Variants in PDE4A observed in about 807,000 individuals in gnomAD.
PDE4A encodes phosphodiesterase 4A.
PDE4A carries 21 observed loss-of-function variants against 73.9 expected under a neutral mutation model. The observed-to-expected ratio is 0.28, with a 90% CI of 0.20 to 0.41. The LOEUF (loss-of-function observed/expected upper bound fraction) is 0.41. Among genes scored for constraint, PDE4A ranks in the 10% least tolerant of loss-of-function variants. The probability of loss-of-function intolerance (pLI) is 1.00; values close to 1 mark genes in which losing one functional copy is unlikely to be tolerated. For missense variants in PDE4A, 958 were observed against 1,211.4 expected (o/e 0.79, Z 3.10); for synonymous variants, 463 against 505.4 (o/e 0.92, Z 1.13).
At chr19:10,432,693 G>A in intron 1 of PDE4A, 2 of 941,306 alleles carry the variant, frequency 2.1e-6, no homozygotes, top group Non-Finnish European at 3.1e-6. Flanking sequence ...GGATCTGGCT[G>A]GGGCCCCACC....
At chr19:10,432,916 C>G (rs994746385) in intron 1 of PDE4A, among the ~76,000 whole-genome samples, 1 of 152,170 alleles carries the variant, frequency 6.6e-6, no homozygotes, top group Non-Finnish European at 1.5e-5. Context: ...GGCCTAGAAC[C>G]AGATCCCTAA....
At chr19:10,420,330 C>G, upstream of PDE4A, 2 of 961,624 alleles carry the variant, frequency 2.1e-6, no homozygotes, top group Non-Finnish European at 2.5e-6. This position sits in a 1 kb window ranked among gnomAD's most constrained non-coding sequence, Gnocchi z 6.0. Context: ...CAGACGAGTT[C>G]CAGCGCCCCC....
chr19:10,447,321 G>A (rs2043022255), intron 2 of PDE4A, among the ~76,000 whole-genome samples: 1 of 145,952 alleles, frequency 6.9e-6, no homozygotes, highest in Non-Finnish European at 1.5e-5. Flanking sequence ...CACCTCCCGG[G>A]TTCATGCCAT....
chr19:10,454,912 A>G lies in PDE4A; in HGVS notation c.867A>G (p.Thr289=), dbSNP rs1395987373. 2.5e-6 allele frequency: 4 copies of G among 1,613,870 alleles called. No individual in the cohort carries two copies. Among genetic ancestry groups the G allele is most frequent in the Non-Finnish European group, 3.4e-6 (4 of 1,179,958 alleles). ...SGNQVSEYIS[T]TFLDKQNEVE... is the part of the protein sequence containing the mutation. ...ACCAGGTCTCAGAGTACATTTCCAC[A>G]ACATTCCTGGGTGAGTGAGGGGAAG... is the stretch of plus-strand genomic sequence containing the variant. The change falls in exon 7 of 15, where the codon ACA becomes ACG. Residue 289 remains threonine (T), a synonymous_variant. Transcript: ENST00000380702.
In PDE4A at chr19:10,467,707, C is replaced by G; in HGVS notation, c.*86C>G. ...CACCTCCTCCTCTGCCTCAAAGACT[C>G]TTGTCCTCTTGTCCCTCCTGAGAAA... On this transcript the variant is annotated 3_prime_UTR_variant, in exon 15 of 15. Coordinates refer to ENST00000380702, the MANE Select transcript of PDE4A (RefSeq NM_001111307.2). 2.1e-6 allele frequency: 2 copies of G among 953,074 alleles called. No individual in the cohort carries two copies. Among genetic ancestry groups the G allele is most frequent in the Admixed American group, 2.6e-5 (1 of 38,568 alleles). The allele number at this position is 953,074 out of a possible 1,614,324, so 59.0% of individuals were successfully genotyped here.
chr19:10,459,164 G>T, intron 8 of PDE4A: 1 of 621,262 alleles, frequency 1.6e-6, no homozygotes, highest in Non-Finnish European at 2.7e-6. Flanking sequence ...ACGAGATCAA[G>T]TGCTTAGAGC....
Position 10,420,781 on chromosome 19 carries a change from TC to T in PDE4A, c.21del (p.Ser8ArgfsTer19). 1 of 1,574,380 alleles carries T rather than the reference TC, an allele frequency of 6.4e-7. No homozygotes were observed. MEPPTVPSERSLSLSL... is the reference protein window; with the variant it reads MEPPTXPSERSLSLSL... ...GCCGGCGCCATGGAACCCCCGACCG[TC>T]CCCTCGGAAAGGAGCCTGTCTCTGT... On this transcript the variant is annotated frameshift_variant, in exon 1 of 15. Coordinates refer to ENST00000380702, the MANE Select transcript of PDE4A (RefSeq NM_001111307.2). LOFTEE classifies it high-confidence loss of function. The surrounding 1 kb of genome is among the most constrained non-coding windows in gnomAD (Gnocchi z 6.0).
At chr19:10,445,606 A>G (rs149468828) in intron 1 of PDE4A, among the ~76,000 whole-genome samples, 16 of 151,914 alleles carry the variant, frequency 1.1e-4, no homozygotes, top group African/African-American at 3.9e-4. Context: ...CATCTCTACT[A>G]AAAATACAAA....
Position 10,461,865 on chromosome 19 carries a change from C to T in PDE4A, c.1621-12C>T. 6.2e-7 allele frequency: 1 copy of T among 1,611,504 alleles called. No individual in the cohort carries two copies. The highest frequency in any genetic ancestry group is 2.2e-5 in the East Asian group (1 of 44,864). On this transcript the variant is annotated splice_polypyrimidine_tract_variant and intron_variant, in intron 12 of 14. Coordinates refer to ENST00000380702, the MANE Select transcript of PDE4A (RefSeq NM_001111307.2). ...GGTGTCAGCGGCCCCAGTGACGCCC[C>T]CTTGCCCGCAGGTGCTGGCCACGGA...
At chr19:10,454,598 C>T (rs1387486569) in intron 6 of PDE4A, 1 of 214,288 alleles carries the variant, frequency 4.7e-6, no homozygotes, top group South Asian at 1.7e-4. Context: ...TTTCCTCAGG[C>T]AGGGAGGGTT....
rs746532397 is a variant in PDE4A at position 10,420,895 on chromosome 19, A to C, written c.131A>C (p.Gln44Pro). 6.3e-7 allele frequency: 1 copy of C among 1,588,650 alleles called. No individual in the cohort carries two copies. Among genetic ancestry groups the C allele is most frequent in the African/African-American group, 1.4e-5 (1 of 73,754 alleles). Residue 44 changes from glutamine to proline, a missense_variant, in exon 1 of 15, where the codon CAG becomes CCG. Coordinates refer to ENST00000380702, the MANE Select transcript of PDE4A (RefSeq NM_001111307.2). This position sits in a 1 kb window ranked among gnomAD's most constrained non-coding sequence, Gnocchi z 6.0. ...CAGCCTCGGACCCCCATCCGTATCC[A>C]GCAGCGCGGCTACTCCGACAGCGCG... ...WRQPRTPIRI[Q>P]QRGYSDSAER...
intron 1 of PDE4A, among the ~76,000 whole-genome samples, chr19:10,432,035 G>A (rs1183348998): frequency 6.6e-6 from 1 of 151,760 alleles, no homozygotes; most frequent in African/African-American, 2.4e-5. Context: ...GGCGATCAGC[G>A]ATCAGAGACC....
At chr19:10,466,425 A>G (rs2144530932) in intron 14 of PDE4A, among the ~76,000 whole-genome samples, 1 of 128,182 alleles carries the variant, frequency 7.8e-6, no homozygotes, top group African/African-American at 3.0e-5. Flanking sequence ...AGCCTGGGTG[A>G]CAGAGCAAGA....
At chr19:10,423,137 C>T in intron 1 of PDE4A, 16 of 982,788 alleles carry the variant, frequency 1.6e-5, no homozygotes, top group Non-Finnish European at 1.9e-5. Flanking sequence ...AAACTGGAGC[C>T]CAGAGACAAA....
At chr19:10,460,866 C>G in intron 10 of PDE4A, 138 bp from the exon 11 acceptor site, 1 of 774,978 alleles carries the variant, frequency 1.3e-6, no homozygotes, top group Non-Finnish European at 1.9e-6. Context: ...CCCAGGATGG[C>G]CTCGAACTTC....
chr19:10,432,320 C>T, intron 1 of PDE4A: 1 of 1,242,878 alleles, frequency 8.0e-7, no homozygotes, highest in Non-Finnish European at 1.0e-6. Flanking sequence ...TCACCAGAGG[C>T]GTGGAGGCGG....
chr19:10,417,879 G>C (rs576749848), upstream of PDE4A: 20 of 1,546,048 alleles, frequency 1.3e-5, no homozygotes, highest in South Asian at 2.0e-4. Context: ...GGTAGGAGAG[G>C]GAGCAGAGTG....
upstream of PDE4A, chr19:10,417,105 G>A: frequency 1.4e-6 from 2 of 1,459,438 alleles, no homozygotes; most frequent in Non-Finnish European, 1.8e-6. Context: ...CAAGCTGTGA[G>A]GAGTTTGGTC....
chr19:10,436,321 C>T (rs559441585), intron 1 of PDE4A, among the ~76,000 whole-genome samples: 21 of 152,014 alleles, frequency 1.4e-4, no homozygotes, highest in African/African-American at 4.8e-4. Context: ...TTTGGGAGGC[C>T]GAGGCAGGTG....
Sources: allele counts gnomAD v4.1 joint callset (sites outside exome capture counted in the v4.1 genomes callset), GRCh38; gene constraint gnomAD v4.1.1; non-coding constraint Gnocchi (gnomAD v3.1); transcripts MANE v1.5; gene names NCBI Gene and HGNC (gene_info 2026-07-23, HGNC 2026-07-21).